Variants in EYA2 observed in about 807,000 individuals in gnomAD.
EYA2 encodes protein phosphatase EYA2.
Under a neutral mutation model 69.2 loss-of-function variants are expected in EYA2, and 31 were observed. The ratio of observed to expected loss-of-function variants is 0.45; its 90% CI spans 0.34 to 0.60. The LOEUF (loss-of-function observed/expected upper bound fraction) is 0.60. Ranked by LOEUF, EYA2 falls within the 20% of genes least tolerant of loss-of-function variation. The probability of loss-of-function intolerance (pLI) is 0.02; values close to 1 mark genes in which losing one functional copy is unlikely to be tolerated. For synonymous variants in EYA2, 257 were observed against 279.4 expected, an observed-to-expected ratio of 0.92 and a Z score of 0.80; for missense variants, 622 against 701.2, an observed-to-expected ratio of 0.89 and a Z score of 1.28.
intron 10 of EYA2, among the ~76,000 whole-genome samples, chr20:47,166,625 A>G (rs114577705): frequency 4.0e-5 from 6 of 151,762 alleles, no homozygotes; most frequent in African/African-American, 1.5e-4. Flanking sequence ...TCGAGAAATC[A>G]CCTTGCAACT....
intron 4 of EYA2, among the ~76,000 whole-genome samples, chr20:47,005,869 C>A (rs1982679571): frequency 1.3e-5 from 2 of 152,212 alleles, no homozygotes; most frequent in African/African-American, 4.8e-5. Context: ...TCATGCTATT[C>A]CCTCGCCTCC....
intron 5 of EYA2, among the ~76,000 whole-genome samples, chr20:47,050,189 A>C (rs2030258618): frequency 6.6e-6 from 1 of 152,220 alleles, no homozygotes; most frequent in African/African-American, 2.4e-5. Flanking sequence ...CATGGTTCTC[A>C]GGTATGCCTG....
At chr20:46,928,833 C>G (rs867015827) in intron 1 of EYA2, among the ~76,000 whole-genome samples, 16 of 152,282 alleles carry the variant, frequency 1.1e-4, no homozygotes, top group African/African-American at 3.6e-4. Flanking sequence ...GACTGCTATA[C>G]AGACAGAGTT....
Position 46,935,474 on chromosome 20 carries a change from A to G in EYA2, c.-11+40487A>G, listed in dbSNP as rs546050242. On this transcript the variant is annotated intron_variant, in intron 1 of 15. Coordinates refer to ENST00000327619, the MANE Select transcript of EYA2 (RefSeq NM_005244.5). ...ATAAATGACGATGTTATTAATTACTATTGTTACTGTGACTGTCTTCAAGGG... is the reference window on the plus strand; with the variant it reads ...ATAAATGACGATGTTATTAATTACTGTTGTTACTGTGACTGTCTTCAAGGG... Among the ~76,000 whole-genome samples the G allele has an allele frequency of 1.2e-3, 181 of 152,274 alleles. 1 individual carries two copies. The highest frequency in any genetic ancestry group is 3.9e-3 in the African/African-American group (163 of 41,550).
chr20:46,930,827 C>G (rs1229659241), intron 1 of EYA2, among the ~76,000 whole-genome samples: 2 of 152,208 alleles, frequency 1.3e-5, no homozygotes, highest in African/African-American at 4.8e-5. Context: ...GGCACTGTGC[C>G]AGGAACCTTA....
chr20:46,926,109 C>T (rs6012080), intron 1 of EYA2, among the ~76,000 whole-genome samples: 21,382 of 152,102 alleles, frequency 0.14, 2,220 homozygotes, highest in East Asian at 0.48. Context: ...GAATATACAT[C>T]CACATTTGCT....
chr20:47,145,453 G>C (rs1183922677), intron 10 of EYA2, among the ~76,000 whole-genome samples: 4 of 152,234 alleles, frequency 2.6e-5, no homozygotes, highest in African/African-American at 9.6e-5. Context: ...GGATAGATGA[G>C]CCTGGGGCAG....
intron 10 of EYA2, among the ~76,000 whole-genome samples, chr20:47,164,517 G>A (rs1350124843): frequency 6.6e-6 from 1 of 152,188 alleles, no homozygotes; most frequent in Non-Finnish European, 1.5e-5. Flanking sequence ...AAAGCAGTGA[G>A]CTGGGGGCTA....
chr20:46,946,473 C>T (rs985022932), intron 1 of EYA2, among the ~76,000 whole-genome samples: 1 of 152,164 alleles, frequency 6.6e-6, no homozygotes, highest in Non-Finnish European at 1.5e-5. Context: ...GTGCGAGGGG[C>T]TCCCTTTGTT....
In EYA2 at chr20:47,039,968, G is replaced by C. The variant is rs1333732760; in HGVS notation, c.415+23671G>C. On this transcript the variant is annotated intron_variant, in intron 5 of 15. Coordinates refer to ENST00000327619, the MANE Select transcript of EYA2 (RefSeq NM_005244.5). ...CGGTTCTCCTGCCTCAGCCTCCCGAGTAGCTGGGATTACAGGCGCCCGCCA... is the reference window on the plus strand; with the variant it reads ...CGGTTCTCCTGCCTCAGCCTCCCGACTAGCTGGGATTACAGGCGCCCGCCA... Among the ~76,000 whole-genome samples, 5 of 146,056 alleles carry C rather than the reference G, an allele frequency of 3.4e-5. No individual in the cohort carries two copies. In the South Asian group the frequency reaches 1.1e-3, roughly 32 times the overall value.
At chr20:47,053,465 C>T (rs971919958) in intron 5 of EYA2, among the ~76,000 whole-genome samples, 2 of 151,926 alleles carry the variant, frequency 1.3e-5, no homozygotes, top group East Asian at 2.0e-4. Flanking sequence ...CAGGAGTTCT[C>T]GACCAGCCTG....
intron 5 of EYA2, among the ~76,000 whole-genome samples, chr20:47,027,754 T>G (rs1984179219): frequency 6.6e-6 from 1 of 152,128 alleles, no homozygotes; most frequent in Non-Finnish European, 1.5e-5. Flanking sequence ...ATCCTCTGAG[T>G]GGCTGTGCAA....
At chr20:47,038,494 T>A (rs1357418193) in intron 5 of EYA2, among the ~76,000 whole-genome samples, 1 of 152,080 alleles carries the variant, frequency 6.6e-6, no homozygotes, top group Non-Finnish European at 1.5e-5. Context: ...TTGTCTCAAA[T>A]AAATAAAAAT....
chr20:46,898,818 G>A (rs1057244951), intron 1 of EYA2, among the ~76,000 whole-genome samples: 36 of 152,310 alleles, frequency 2.4e-4, no homozygotes, highest in African/African-American at 7.2e-4. Flanking sequence ...TCAGTTTTAA[G>A]GTACCTGCCA....
At chr20:46,929,466 A>G (rs1165555472) in intron 1 of EYA2, among the ~76,000 whole-genome samples, 1 of 151,810 alleles carries the variant, frequency 6.6e-6, no homozygotes, top group East Asian at 1.9e-4. Flanking sequence ...CTAGGGCCAT[A>G]TGATAAAAGA....
At chr20:46,987,993 TATATGG>T (rs1482409110) in intron 1 of EYA2, among the ~76,000 whole-genome samples, 1,055 of 80,006 alleles carry the variant, frequency 0.013, 76 homozygotes, top group Middle Eastern at 0.015. Context: ...TATATATATA[TATATGG>T]GGCAAAAAAA....
intron 5 of EYA2, among the ~76,000 whole-genome samples, chr20:47,020,767 A>G (rs1983702459): frequency 6.6e-6 from 1 of 152,202 alleles, no homozygotes; most frequent in African/African-American, 2.4e-5. Context: ...TGAAACTGGT[A>G]TCATAGTGAG....
intron 1 of EYA2, among the ~76,000 whole-genome samples, chr20:46,898,408 C>CACAT (rs1165792645): frequency 6.6e-6 from 1 of 151,776 alleles, no homozygotes; most frequent in African/African-American, 2.4e-5. Context: ...CACACACACA[C>CACAT]ACACACACAC....
At chr20:47,150,756 C>A (rs557812169) in intron 10 of EYA2, among the ~76,000 whole-genome samples, 1 of 152,068 alleles carries the variant, frequency 6.6e-6, no homozygotes. Flanking sequence ...CATGAGCCAC[C>A]TATTCCAGGC....
Sources: gnomAD v4.1 joint callset for allele counts (sites outside exome capture counted in the v4.1 genomes callset) on GRCh38, gnomAD v4.1.1 for gene constraint, MANE v1.5 for transcripts, NCBI Gene and HGNC (gene_info 2026-07-23, HGNC 2026-07-21) for gene names.